Variants in CSMD3 observed in about 807,000 individuals in gnomAD.
CSMD3 encodes CUB and Sushi multiple domains 3.
In CSMD3, 177 loss-of-function variants were observed where a neutral mutation model predicts 435.2. That is an observed-to-expected ratio of 0.41 (90% CI 0.36 to 0.46). The LOEUF (loss-of-function observed/expected upper bound fraction) is 0.46, where lower values mean the gene tolerates loss of function less well. Among genes scored for constraint, CSMD3 ranks in the 20% least tolerant of loss-of-function variants. CSMD3 has a pLI of 0.34. For synonymous variants in CSMD3, 1,656 were observed against 1,520.5 expected, an observed-to-expected ratio of 1.09 and a Z score of -2.07; for missense variants, 4,265 against 4,504.6, an observed-to-expected ratio of 0.95 and a Z score of 1.52.
intron 54 of CSMD3, among the ~76,000 whole-genome samples, chr8:112,294,496 A>C (rs1820071283): frequency 6.6e-6 from 1 of 152,144 alleles, no homozygotes; most frequent in African/African-American, 2.4e-5. Context: ...TTTAAGATCC[A>C]AAGTAGGATA....
chr8:113,177,274 T>C (rs2092360414), intron 3 of CSMD3, among the ~76,000 whole-genome samples: 1 of 151,320 alleles, frequency 6.6e-6, no homozygotes, highest in Non-Finnish European at 1.5e-5. Flanking sequence ...TGATGTTGCT[T>C]AAAATATATA....
chr8:113,154,078 T>C (rs1335690406), intron 4 of CSMD3, among the ~76,000 whole-genome samples: 1 of 152,112 alleles, frequency 6.6e-6, no homozygotes, highest in African/African-American at 2.4e-5. Context: ...CTCTGTATAG[T>C]TCTTTTTTAT....
chr8:112,289,344 G>A (rs764728541), intron 57 of CSMD3, 21 bp downstream of exon 57: 23 of 1,602,208 alleles, frequency 1.4e-5, no homozygotes, highest in Admixed American at 3.3e-5. Flanking sequence ...AACACATATT[G>A]TCCAATTTTC....
chr8:112,960,956 T>C (rs1451633564), intron 7 of CSMD3, among the ~76,000 whole-genome samples: 1 of 151,772 alleles, frequency 6.6e-6, no homozygotes, highest in African/African-American at 2.4e-5. Context: ...TATGCCACAA[T>C]GCTCATTTGT....
intron 13 of CSMD3, among the ~76,000 whole-genome samples, chr8:112,733,834 T>A (rs2077126643): frequency 6.6e-6 from 1 of 152,054 alleles, no homozygotes; most frequent in South Asian, 2.1e-4. Context: ...GGGCAACACA[T>A]AATGTCTGTG....
At chr8:113,177,179 G>C (rs1564395408) in intron 3 of CSMD3, among the ~76,000 whole-genome samples, 1 of 150,150 alleles carries the variant, frequency 6.7e-6, no homozygotes, top group African/African-American at 2.4e-5. Flanking sequence ...ATCTCAATGT[G>C]TTTTGAAGCA....
chr8:113,278,670 T>G lies in CSMD3; in HGVS notation c.436A>C (p.Ser146Arg). ...TGFHLPPPVTSTKSVFSLRLT... is the reference protein window; with the variant it reads ...TGFHLPPPVTRTKSVFSLRLT... ...CGTAGTGAGAACACAGATTTGGTAC[T>G]TGTCACTGGAGGTGGCAGATGGAAT... is the stretch of plus-strand genomic sequence containing the variant. The change falls in exon 3 of 71, where the codon AGT becomes CGT. Residue 146 changes from serine to arginine, a missense_variant. By Grantham distance (110) the Ser-to-Arg change is moderately radical. Around this residue, in one of 3 missense-constraint regions of CSMD3, gnomAD observed 731 missense variants for 755.4 expected, o/e 0.97. Coordinates refer to ENST00000297405, the MANE Select transcript of CSMD3 (RefSeq NM_198123.2). 1 of 1,597,758 alleles carries G rather than the reference T, an allele frequency of 6.3e-7. No individual in the cohort carries two copies. The highest frequency in any genetic ancestry group is 8.6e-7 in the Non-Finnish European group (1 of 1,165,472).
chr8:112,494,514 TC>T, intron 30 of CSMD3, among the ~76,000 whole-genome samples: 1 of 108,654 alleles, frequency 9.2e-6, no homozygotes, highest in Admixed American at 9.6e-5. Flanking sequence ...TTTCTTTCTT[TC>T]TTTCTTTCTT....
intron 10 of CSMD3, among the ~76,000 whole-genome samples, chr8:112,868,037 T>C (rs1302188893): frequency 6.6e-6 from 1 of 152,158 alleles, no homozygotes; most frequent in Non-Finnish European, 1.5e-5. Flanking sequence ...TTCATATGCT[T>C]ATTCTATATG....
At chr8:112,993,896 T>C (rs534977804) in intron 6 of CSMD3, among the ~76,000 whole-genome samples, 65 of 151,876 alleles carry the variant, frequency 4.3e-4, no homozygotes, top group Non-Finnish European at 8.4e-4. Context: ...ATGTAGGAGT[T>C]ATTCACATAG....
rs143103442 is a variant in CSMD3 at position 112,590,419 on chromosome 8, C to T, written c.3716-3184G>A. Among the ~76,000 whole-genome samples, 500 of 150,400 alleles carry T rather than the reference C, an allele frequency of 3.3e-3. 2 individuals carry two copies. Among genetic ancestry groups the T allele is most frequent in the African/African-American group, 0.012 (486 of 40,958 alleles). On this transcript the variant is annotated intron_variant, in intron 22 of 70. Coordinates refer to ENST00000297405, the MANE Select transcript of CSMD3 (RefSeq NM_198123.2). ...AAAAGAATATTCCAAACAGAAGGAACATTATATCTAAAAACATTATTGGAG... is the reference window on the plus strand; with the variant it reads ...AAAAGAATATTCCAAACAGAAGGAATATTATATCTAAAAACATTATTGGAG...
At chr8:112,302,655 G>C (rs1012417421) in intron 52 of CSMD3, among the ~76,000 whole-genome samples, 2 of 151,784 alleles carry the variant, frequency 1.3e-5, no homozygotes, top group Admixed American at 1.3e-4. Context: ...TTATGTACTA[G>C]GTGCTATAGT....
chr8:112,695,924 C>T (rs1023583404), intron 13 of CSMD3, among the ~76,000 whole-genome samples: 3 of 152,250 alleles, frequency 2.0e-5, no homozygotes, highest in Non-Finnish European at 4.4e-5. Context: ...CACAAGCATT[C>T]TTATACACCA....
chr8:113,002,650 A>T (rs1310200580), intron 6 of CSMD3, among the ~76,000 whole-genome samples: 1 of 152,136 alleles, frequency 6.6e-6, no homozygotes, highest in Non-Finnish European at 1.5e-5. Context: ...CTAGTTTATC[A>T]GTTTTGTCTC....
intron 38 of CSMD3, among the ~76,000 whole-genome samples, chr8:112,358,565 A>T (rs1826866186): frequency 6.6e-6 from 1 of 152,120 alleles, no homozygotes; most frequent in Non-Finnish European, 1.5e-5. Flanking sequence ...TGTTCTTGTG[A>T]CAGTGAATAA....
At chr8:112,269,797 G>A (rs1294137818) in intron 59 of CSMD3, among the ~76,000 whole-genome samples, 2 of 152,158 alleles carry the variant, frequency 1.3e-5, no homozygotes, top group East Asian at 1.9e-4. Flanking sequence ...TGATTTGAGC[G>A]ATCTGGTATT....
chr8:112,771,383 A>T (rs2078110243), intron 13 of CSMD3, among the ~76,000 whole-genome samples: 1 of 151,998 alleles, frequency 6.6e-6, no homozygotes. Flanking sequence ...TACTAAAATT[A>T]CAAAAATTAG....
intron 23 of CSMD3, among the ~76,000 whole-genome samples, chr8:112,574,576 C>A (rs1159426465): frequency 6.6e-6 from 1 of 151,842 alleles, no homozygotes; most frequent in Non-Finnish European, 1.5e-5. Context: ...GTAATTAAAT[C>A]CAGGGTTTAC....
chr8:112,960,106 T>C (rs2084172276), intron 7 of CSMD3, among the ~76,000 whole-genome samples: 1 of 151,814 alleles, frequency 6.6e-6, no homozygotes, highest in African/African-American at 2.4e-5. Flanking sequence ...TATTTAACTG[T>C]ATAAAGATGA....
Sources: allele counts gnomAD v4.1 joint callset (sites outside exome capture counted in the v4.1 genomes callset), GRCh38; gene constraint gnomAD v4.1.1; regional missense constraint gnomAD v4.1.1; transcripts MANE v1.5; gene names NCBI Gene and HGNC (gene_info 2026-07-23, HGNC 2026-07-21).